SNX30: variants seen among roughly 807,000 people sequenced by gnomAD.
The protein encoded by SNX30 is sorting nexin-30.
A neutral mutation model predicts 46.4 loss-of-function variants in SNX30; 24 were observed. The observed-to-expected ratio is 0.52, with a 90% CI of 0.37 to 0.73. SNX30 has a LOEUF of 0.73. Among genes scored for constraint, SNX30 ranks in the 30% least tolerant of loss-of-function variants. The probability of loss-of-function intolerance (pLI) is 0.00; values close to 1 mark genes in which losing one functional copy is unlikely to be tolerated. For missense variants in SNX30, 533 were observed against 555.7 expected, an observed-to-expected ratio of 0.96 and a Z score of 0.41; for synonymous variants, 189 against 211.5, an observed-to-expected ratio of 0.89 and a Z score of 0.92.
downstream of SNX30, among the ~76,000 whole-genome samples, chr9:112,876,140 A>C (rs1405567977): frequency 2.0e-5 from 3 of 152,092 alleles, no homozygotes; most frequent in African/African-American, 7.2e-5. Flanking sequence ...ACGGTGTCAG[A>C]TTGAAGGCCT....
Position 112,870,437 on chromosome 9 carries a change from C to T in SNX30, c.*1594C>T, listed in dbSNP as rs942650815. 1 of 152,156 alleles carries T rather than the reference C, an allele frequency of 6.6e-6. No homozygotes were observed. Among genetic ancestry groups the T allele is most frequent in the Non-Finnish European group, 1.5e-5 (1 of 68,038 alleles). The allele number at this position is 152,156 out of a possible 1,614,324, so 9.4% of individuals were successfully genotyped here. A position where few individuals can be genotyped will look rare whatever the true frequency, so the allele number is the denominator to read the frequency against. On this transcript the variant is annotated 3_prime_UTR_variant, in exon 9 of 9. Transcript: ENST00000374232. ...GCCAAGGCTGTGGTGCTGTTGATGC[C>T]GCAGTTGGACAGCATAGGACGGCTT... is the stretch of plus-strand genomic sequence containing the variant.
chr9:112,774,976 C>T (rs1221743944), intron 1 of SNX30, among the ~76,000 whole-genome samples: 1 of 150,994 alleles, frequency 6.6e-6, no homozygotes, highest in African/African-American at 2.4e-5. Context: ...TCCCCAGTAG[C>T]TGGAATTACA....
In SNX30 at chr9:112,871,199, C is replaced by T. The variant is rs10116897; in HGVS notation, c.*2356C>T. The T allele has an allele frequency of 0.83, 126,085 of 152,144 alleles. 52,906 individuals are homozygous for T. The highest frequency in any genetic ancestry group is 0.9 in the Non-Finnish European group (61,372 of 68,030). The allele number at this position is 152,144 out of a possible 1,614,324, so 9.4% of individuals were successfully genotyped here. Reference sequence around the variant, plus strand: ...CCTGGAACAAGGCAAACTTTATGTCCTCCTGGCATGTTATTGATAACAGAG... The same window carrying T: ...CCTGGAACAAGGCAAACTTTATGTCTTCCTGGCATGTTATTGATAACAGAG... On this transcript the variant is annotated 3_prime_UTR_variant, in exon 9 of 9. Coordinates refer to ENST00000374232, the MANE Select transcript of SNX30 (RefSeq NM_001012994.2).
chr9:112,825,246 A>C (rs777710766), intron 3 of SNX30, among the ~76,000 whole-genome samples: 1 of 152,166 alleles, frequency 6.6e-6, no homozygotes, highest in Non-Finnish European at 1.5e-5. Context: ...ATTTGCCAAC[A>C]TTTGCTATTT....
chr9:112,810,052 G>A (rs1840295896), intron 2 of SNX30, among the ~76,000 whole-genome samples: 1 of 152,168 alleles, frequency 6.6e-6, no homozygotes, highest in Admixed American at 6.5e-5. Flanking sequence ...ATTGTTTGTG[G>A]AGAAGGAAGG....
chr9:112,760,375 CTCA>C (rs138975570), intron 1 of SNX30, among the ~76,000 whole-genome samples: 155 of 152,298 alleles, frequency 1.0e-3, no homozygotes, highest in Middle Eastern at 3.4e-3. Flanking sequence ...GGCTTGTCTC[CTCA>C]TCCTTCCCAT....
chr9:112,822,293 C>T (rs1352706157), intron 3 of SNX30, among the ~76,000 whole-genome samples: 1 of 152,156 alleles, frequency 6.6e-6, no homozygotes, highest in African/African-American at 2.4e-5. Flanking sequence ...CTCATAACAG[C>T]AGTTCACTGT....
intron 1 of SNX30, among the ~76,000 whole-genome samples, chr9:112,778,930 C>G (rs1179217527): frequency 1.3e-5 from 2 of 150,814 alleles, no homozygotes. Context: ...TGGGCAAGTA[C>G]TGGTGGGTGG....
chr9:112,795,752 A>T (rs920369322), intron 1 of SNX30, among the ~76,000 whole-genome samples: 2 of 118,372 alleles, frequency 1.7e-5, no homozygotes, highest in African/African-American at 6.4e-5. Context: ...ACACACACAC[A>T]CTCACAGTAC....
chr9:112,780,278 A>G (rs56134362), intron 1 of SNX30, among the ~76,000 whole-genome samples: 72 of 152,240 alleles, frequency 4.7e-4, no homozygotes, highest in African/African-American at 1.6e-3. Context: ...CTTGGTTAAA[A>G]AGGGCATGAA....
chr9:112,845,342 G>T (rs767490093), intron 6 of SNX30, among the ~76,000 whole-genome samples: 13 of 152,212 alleles, frequency 8.5e-5, no homozygotes, highest in Non-Finnish European at 1.9e-4. Flanking sequence ...AAGCCACCTG[G>T]TTTACACCGC....
At chr9:112,826,009 T>C (rs1840574688) in intron 3 of SNX30, among the ~76,000 whole-genome samples, 1 of 152,182 alleles carries the variant, frequency 6.6e-6, no homozygotes, top group Non-Finnish European at 1.5e-5. Flanking sequence ...GTTTCCCCGA[T>C]TGATGAAACA....
intron 2 of SNX30, among the ~76,000 whole-genome samples, chr9:112,806,824 CAT>C (rs751399013): frequency 5.3e-5 from 8 of 152,078 alleles, no homozygotes; most frequent in African/African-American, 7.2e-5. Flanking sequence ...CATTCACACA[CAT>C]GTATAGTTAG....
At chr9:112,841,054 A>G (rs553401317) in intron 6 of SNX30, among the ~76,000 whole-genome samples, 4 of 152,076 alleles carry the variant, frequency 2.6e-5, no homozygotes, top group Admixed American at 2.6e-4. Context: ...GAGCCACTGC[A>G]CCTAGCCCTG....
chr9:112,753,805 C>G (rs766777143), intron 1 of SNX30, among the ~76,000 whole-genome samples: 1 of 152,214 alleles, frequency 6.6e-6, no homozygotes, highest in Non-Finnish European at 1.5e-5. Context: ...TAATTTCTTT[C>G]TCTGACTAGG....
chr9:112,822,536 G>T (rs1539344), intron 3 of SNX30, among the ~76,000 whole-genome samples: 2,785 of 123,412 alleles, frequency 0.023, 84 homozygotes, highest in African/African-American at 0.039. Flanking sequence ...TTGCTGTTTT[G>T]TTTTGTTTTT....
chr9:112,828,721 A>G (rs943322099), intron 3 of SNX30, among the ~76,000 whole-genome samples: 15 of 152,178 alleles, frequency 9.9e-5, no homozygotes, highest in African/African-American at 3.4e-4. Context: ...TGCTGGTACT[A>G]TTATTATGCT....
At chr9:112,831,251 C>G (rs1050844550) in intron 4 of SNX30, among the ~76,000 whole-genome samples, 1 of 151,856 alleles carries the variant, frequency 6.6e-6, no homozygotes, top group African/African-American at 2.4e-5. Flanking sequence ...GTGCCTGTGT[C>G]CATTAGCATG....
chr9:112,790,191 CA>C, intron 1 of SNX30, among the ~76,000 whole-genome samples: 1 of 152,296 alleles, frequency 6.6e-6, no homozygotes, highest in African/African-American at 2.4e-5. Context: ...AGTTAAGATA[CA>C]TTTGAATAAC....
Sources: allele counts gnomAD v4.1 joint callset (sites outside exome capture counted in the v4.1 genomes callset), GRCh38; gene constraint gnomAD v4.1.1; transcripts MANE v1.5; gene names NCBI Gene and HGNC (gene_info 2026-07-23, HGNC 2026-07-21).